RIMBP2: variants seen among roughly 807,000 people sequenced by gnomAD.
The protein encoded by RIMBP2 is RIMS binding protein 2.
In RIMBP2, 48 loss-of-function variants were observed where a neutral mutation model predicts 118.6. That is an observed-to-expected ratio of 0.40 (90% CI 0.32 to 0.51). The LOEUF (loss-of-function observed/expected upper bound fraction) is 0.51, where lower values mean the gene tolerates loss of function less well. RIMBP2 is among the 20% of genes least tolerant of loss of function. The pLI, the probability that RIMBP2 is intolerant of heterozygous loss-of-function variation, is 0.41. For missense variants in RIMBP2, 1,551 were observed against 1,768.3 expected, an observed-to-expected ratio of 0.88 and a Z score of 2.20; for synonymous variants, 762 against 742.9, an observed-to-expected ratio of 1.03 and a Z score of -0.42.
At chr12:130,554,903 GAA>G in intron 2 of RIMBP2, among the ~76,000 whole-genome samples, 1 of 152,166 alleles carries the variant, frequency 6.6e-6, no homozygotes, top group Non-Finnish European at 1.5e-5. Flanking sequence ...TTTATGGAGA[GAA>G]AAGAGAGACA....
intron 1 of RIMBP2, among the ~76,000 whole-genome samples, chr12:130,696,231 A>C (rs2065569588): frequency 6.6e-6 from 1 of 152,206 alleles, no homozygotes; most frequent in South Asian, 2.1e-4. Context: ...GGGAGTGCAG[A>C]AGACGCCTGC....
At chr12:130,496,163 G>A (rs2049135405) in intron 4 of RIMBP2, among the ~76,000 whole-genome samples, 1 of 152,172 alleles carries the variant, frequency 6.6e-6, no homozygotes, top group African/African-American at 2.4e-5. Flanking sequence ...TTGTGGGAGG[G>A]ACCTGGTGGG....
intron 7 of RIMBP2, among the ~76,000 whole-genome samples, chr12:130,452,530 C>T (rs1012563241): frequency 6.6e-5 from 10 of 152,212 alleles, no homozygotes; most frequent in Non-Finnish European, 1.2e-4. Flanking sequence ...CCAGAAGCCT[C>T]GGAAACCCAG....
chr12:130,464,312 G>C (rs1364071054), intron 6 of RIMBP2, among the ~76,000 whole-genome samples: 1 of 152,164 alleles, frequency 6.6e-6, no homozygotes, highest in Non-Finnish European at 1.5e-5. Context: ...GGTAACATTA[G>C]GAAAATTTGG....
Position 130,539,265 on chromosome 12 carries a change from A to G in RIMBP2, c.-216-21348T>C, listed in dbSNP as rs558990721. ...ATTATATAACAGTGTCAGTGAATGC[A>G]TACATAAAATATACTATGTTTATAT... On this transcript the variant is annotated intron_variant, in intron 2 of 22. Transcript: ENST00000690449. 1.2e-4 allele frequency among the ~76,000 whole-genome samples: 18 copies of G among 152,328 alleles called. No individual in the cohort carries two copies. In the East Asian group the frequency reaches 3.3e-3, roughly 28 times the overall value.
At chr12:130,529,819 T>A (rs1338531332) in intron 2 of RIMBP2, among the ~76,000 whole-genome samples, 1 of 152,030 alleles carries the variant, frequency 6.6e-6, no homozygotes, top group African/African-American at 2.4e-5. Context: ...TAGGTTCTCA[T>A]AAGGAGTGTG....
chr12:130,422,357 A>G lies in RIMBP2; in HGVS notation c.3238+96T>C. 1.3e-6 allele frequency: 1 copy of G among 741,398 alleles called. No individual in the cohort carries two copies. Among genetic ancestry groups the G allele is most frequent in the Non-Finnish European group, 2.2e-6 (1 of 450,402 alleles). The allele number at this position is 741,398 out of a possible 1,614,324, so 45.9% of individuals were successfully genotyped here. On this transcript the variant is annotated intron_variant, in intron 17 of 22. Transcript: ENST00000690449. The surrounding 1 kb of genome is among the most constrained non-coding windows in gnomAD (Gnocchi z 5.2). Reference sequence around the variant, plus strand: ...ATAACAGTGTTCTTTGCTTAGCGGAAAATGCTACTCCTAAAGTTTTGTTCA... The same window carrying G: ...ATAACAGTGTTCTTTGCTTAGCGGAGAATGCTACTCCTAAAGTTTTGTTCA...
rs1303324191 is a variant in RIMBP2, at chr12:130,456,518, G to A, written c.336C>T (p.Gly112=). ...PSKPFPQFMN[G]LATSLGKGQE... ...TACCTTTGCCGAGGGAGGTGGCTAG[G>A]CCATTCATGAACTGTGGGAAAGGCT... Residue 112 remains glycine (G), a synonymous_variant, in exon 7 of 23, where the codon GGC becomes GGT. Coordinates refer to ENST00000690449, the MANE Select transcript of RIMBP2 (RefSeq NM_001393629.1). 2.5e-6 allele frequency: 4 copies of A among 1,598,730 alleles called. No homozygotes were observed. Among genetic ancestry groups the A allele is most frequent in the South Asian group, 1.1e-5 (1 of 90,126 alleles).
At chr12:130,458,816 G>A (rs1470364780) in intron 6 of RIMBP2, among the ~76,000 whole-genome samples, 1 of 152,096 alleles carries the variant, frequency 6.6e-6, no homozygotes, top group Non-Finnish European at 1.5e-5. Context: ...AGGCCGAGGT[G>A]GGCGGATCAC....
chr12:130,618,931 C>T (rs1229374214), intron 2 of RIMBP2, among the ~76,000 whole-genome samples: 1 of 152,054 alleles, frequency 6.6e-6, no homozygotes, highest in Non-Finnish European at 1.5e-5. Context: ...AATGTTCGGA[C>T]CTCTGTCCAG....
At chr12:130,672,342 A>G (rs1193861913) in intron 1 of RIMBP2, among the ~76,000 whole-genome samples, 1 of 152,366 alleles carries the variant, frequency 6.6e-6, no homozygotes, top group African/African-American at 2.4e-5. Flanking sequence ...GGAAATAAGA[A>G]ATCGTTTTCC....
intron 3 of RIMBP2, among the ~76,000 whole-genome samples, chr12:130,516,290 G>A (rs2051449455): frequency 6.6e-6 from 1 of 152,186 alleles, no homozygotes; most frequent in African/African-American, 2.4e-5. Context: ...AAATATGCAT[G>A]GGCAAAGCTG....
Position 130,478,989 on chromosome 12 carries a change from G to A in RIMBP2, c.25C>T (p.Gln9Ter), listed in dbSNP as rs1359739987. Residue 9 changes from glutamine to a stop codon, truncating the protein, a stop_gained, in exon 5 of 23, where the codon CAG becomes TAG. Transcript: ENST00000690449. LOFTEE classifies it high-confidence loss of function. ...TGGTCATGCTCCAACTGCAGCTGCT[G>A]CCGCCGTTCAGCCGCCTCTCGCATA... is the stretch of plus-strand genomic sequence containing the variant. MREAAERR[Q>*]QLQLEHDQAL... is the part of the protein sequence containing the mutation. 6.2e-7 allele frequency: 1 copy of A among 1,613,714 alleles called. No homozygotes were observed. Among genetic ancestry groups the A allele is most frequent in the Non-Finnish European group, 8.5e-7 (1 of 1,179,886 alleles).
intron 2 of RIMBP2, among the ~76,000 whole-genome samples, chr12:130,539,157 G>T: frequency 6.6e-6 from 1 of 152,138 alleles, no homozygotes; most frequent in East Asian, 1.9e-4. Context: ...AGCTTTGGGG[G>T]AGAATATATA....
intron 4 of RIMBP2, among the ~76,000 whole-genome samples, chr12:130,493,126 A>C (rs542571624): frequency 5.3e-4 from 81 of 152,106 alleles, no homozygotes; most frequent in South Asian, 3.3e-3. Flanking sequence ...AGAGAGTGAG[A>C]TCGTAGCTCA....
At chr12:130,426,583 C>T (rs2136830797) in intron 15 of RIMBP2, 1 of 152,212 alleles carries the variant, frequency 6.6e-6, no homozygotes, top group Admixed American at 6.5e-5. Context: ...CAGCCTCCTA[C>T]ATGATTTCTA....
chr12:130,590,591 A>G (rs1225182563), intron 2 of RIMBP2, among the ~76,000 whole-genome samples: 1 of 152,212 alleles, frequency 6.6e-6, no homozygotes, highest in East Asian at 1.9e-4. Flanking sequence ...GAAGGATGAC[A>G]GATGAGGTTA....
intron 4 of RIMBP2, among the ~76,000 whole-genome samples, chr12:130,491,462 C>A (rs958318851): frequency 7.9e-5 from 12 of 152,234 alleles, no homozygotes; most frequent in African/African-American, 2.9e-4. Context: ...CACATGAGAA[C>A]CTTTTCTGCA....
At position 130,703,085 on chromosome 12, in the gene RIMBP2, C is replaced by A. The variant is rs1478547058; in HGVS notation, c.-352+13137G>T. ...ATTAGAACAGGATTTTCCTGTAATG[C>A]CTCCAGGTCACCAGGTCACTGCAGC... On this transcript the variant is annotated intron_variant, in intron 1 of 22. Transcript: ENST00000690449. The surrounding 1 kb of genome is among the most constrained non-coding windows in gnomAD (Gnocchi z 5.7). Among the ~76,000 whole-genome samples the A allele has an allele frequency of 6.6e-6, 1 of 152,112 alleles. No homozygotes were observed. The highest frequency in any genetic ancestry group is 1.5e-5 in the Non-Finnish European group (1 of 68,016).
Sources: allele counts gnomAD v4.1 joint callset (sites outside exome capture counted in the v4.1 genomes callset), GRCh38; gene constraint gnomAD v4.1.1; non-coding constraint Gnocchi (gnomAD v3.1); transcripts MANE v1.5; gene names NCBI Gene and HGNC (gene_info 2026-07-23, HGNC 2026-07-21).